Variants in FHIT observed in about 807,000 individuals in gnomAD.
FHIT encodes bis(5'-adenosyl)-triphosphatase.
In FHIT, 19 loss-of-function variants were observed where a neutral mutation model predicts 17.9. That is an observed-to-expected ratio of 1.06 (90% CI 0.74 to 1.56). FHIT has a LOEUF of 1.56. FHIT is among the 40% of genes most tolerant of loss of function. The pLI is 0.00. For synonymous variants in FHIT, 81 were observed against 69.7 expected (o/e 1.16, Z -0.81); for missense variants, 248 against 189.2 (o/e 1.31, Z -1.82).
At chr3:60,419,842 C>T (rs1702403697) in intron 5 of FHIT, among the ~76,000 whole-genome samples, 1 of 152,088 alleles carries the variant, frequency 6.6e-6, no homozygotes, top group South Asian at 2.1e-4. Flanking sequence ...GGCATAATAT[C>T]ATCTATACTT....
At chr3:59,933,826 A>G (rs377161107) in intron 7 of FHIT, among the ~76,000 whole-genome samples, 1 of 152,184 alleles carries the variant, frequency 6.6e-6, no homozygotes, top group East Asian at 1.9e-4. Flanking sequence ...CATTCTAACT[A>G]TTCTCATCTG....
intron 4 of FHIT, among the ~76,000 whole-genome samples, chr3:60,750,443 C>A (rs2042443194): frequency 6.6e-6 from 1 of 152,060 alleles, no homozygotes; most frequent in African/African-American, 2.4e-5. Flanking sequence ...GGGAGGAACC[C>A]AGCAGGAGGT....
At chr3:59,883,244 T>C (rs1461627705) in intron 8 of FHIT, among the ~76,000 whole-genome samples, 1 of 152,196 alleles carries the variant, frequency 6.6e-6, no homozygotes, top group Non-Finnish European at 1.5e-5. Flanking sequence ...TGTCACTACA[T>C]TTTACTATTG....
At chr3:60,141,768 C>T (rs1193686962) in intron 5 of FHIT, among the ~76,000 whole-genome samples, 2 of 152,140 alleles carry the variant, frequency 1.3e-5, no homozygotes, top group African/African-American at 4.8e-5. Context: ...CGTTTACCAA[C>T]AAACTTCAGC....
chr3:60,401,476 G>A (rs1403898343), intron 5 of FHIT, among the ~76,000 whole-genome samples: 1 of 152,116 alleles, frequency 6.6e-6, no homozygotes, highest in Non-Finnish European at 1.5e-5. Context: ...TTGACTCACT[G>A]TCATGGTTCT....
intron 3 of FHIT, among the ~76,000 whole-genome samples, chr3:61,016,411 G>C (rs748777290): frequency 2.6e-5 from 4 of 152,144 alleles, no homozygotes; most frequent in Non-Finnish European, 5.9e-5. Context: ...AACAGAGCAA[G>C]ACAAAGAAAT....
intron 4 of FHIT, among the ~76,000 whole-genome samples, chr3:60,785,567 T>G (rs1266457665): frequency 6.6e-6 from 1 of 152,166 alleles, no homozygotes; most frequent in African/African-American, 2.4e-5. Context: ...TGGTGTCCTC[T>G]AAGTTTTATC....
chr3:60,629,310 A>G (rs1471237954), intron 4 of FHIT, among the ~76,000 whole-genome samples: 6 of 152,184 alleles, frequency 3.9e-5, no homozygotes, highest in Non-Finnish European at 8.8e-5. Context: ...CTGACATGCT[A>G]CAGACTCTCA....
chr3:60,183,580 G>C (rs947461831), intron 5 of FHIT, among the ~76,000 whole-genome samples: 1 of 152,006 alleles, frequency 6.6e-6, no homozygotes, highest in Non-Finnish European at 1.5e-5. Context: ...CAGACATTCT[G>C]GGTACTTCAA....
At chr3:61,027,232 G>A (rs1054778009) in intron 3 of FHIT, among the ~76,000 whole-genome samples, 6 of 151,832 alleles carry the variant, frequency 4.0e-5, no homozygotes, top group East Asian at 1.9e-4. Context: ...GATTACAGGC[G>A]CCTGCCACCA....
At chr3:60,165,871 T>C (rs1308590687) in intron 5 of FHIT, among the ~76,000 whole-genome samples, 1 of 152,204 alleles carries the variant, frequency 6.6e-6, no homozygotes, top group Non-Finnish European at 1.5e-5. Flanking sequence ...TGTGTGTGTA[T>C]ATTTACGTGT....
At chr3:60,578,225 T>C (rs1653681059) in intron 4 of FHIT, among the ~76,000 whole-genome samples, 1 of 151,952 alleles carries the variant, frequency 6.6e-6, no homozygotes, top group African/African-American at 2.4e-5. Flanking sequence ...GATCACAAGG[T>C]CAAGATATTG....
chr3:60,233,634 T>C (rs1171402942), intron 5 of FHIT, among the ~76,000 whole-genome samples: 1 of 152,184 alleles, frequency 6.6e-6, no homozygotes, highest in African/African-American at 2.4e-5. Flanking sequence ...TAAGTCCTTT[T>C]GAAAAATAAG....
At chr3:60,551,237 C>T (rs2036536127) in intron 4 of FHIT, among the ~76,000 whole-genome samples, 1 of 151,428 alleles carries the variant, frequency 6.6e-6, no homozygotes, top group African/African-American at 2.4e-5. Flanking sequence ...TGTGGCGTTT[C>T]ACTTAATGAG....
chr3:60,087,688 G>A lies in FHIT; in HGVS notation c.104-73536C>T, dbSNP rs568841701. 2.6e-5 allele frequency among the ~76,000 whole-genome samples: 4 copies of A among 152,276 alleles called. No homozygotes were observed. The East Asian group carries it at 7.7e-4, about 29-fold the overall frequency. On this transcript the variant is annotated intron_variant, in intron 5 of 9. Transcript: ENST00000492590. ...ATGCAGCCAAGTTATTTGCTACTATGTAACAAGGGTGACAGTTCCCAGTAA... is the reference window on the plus strand; with the variant it reads ...ATGCAGCCAAGTTATTTGCTACTATATAACAAGGGTGACAGTTCCCAGTAA...
At position 60,430,969 on chromosome 3, in the gene FHIT, T is replaced by C. The variant is rs144587777; in HGVS notation, c.103+105891A>G. Among the ~76,000 whole-genome samples, 215 of 152,202 alleles carry C rather than the reference T, an allele frequency of 1.4e-3. 2 individuals carry two copies. Among genetic ancestry groups the C allele is most frequent in the Middle Eastern group, 0.01 (3 of 294 alleles). ...GCTCACACCTGCAACCCCAGCACTTTGGGAGGCCAAAGTGGGCAGATTACT... is the reference window on the plus strand; with the variant it reads ...GCTCACACCTGCAACCCCAGCACTTCGGGAGGCCAAAGTGGGCAGATTACT... On this transcript the variant is annotated intron_variant, in intron 5 of 9. Coordinates refer to ENST00000492590, the MANE Select transcript of FHIT (RefSeq NM_002012.4).
At chr3:60,636,426 CT>C (rs1553683883) in intron 4 of FHIT, among the ~76,000 whole-genome samples, 1 of 149,878 alleles carries the variant, frequency 6.7e-6, no homozygotes, top group Non-Finnish European at 1.5e-5. Flanking sequence ...GGTTACCAGA[CT>C]TGGGCATGTC....
At chr3:60,719,915 C>G (rs1187372542) in intron 4 of FHIT, among the ~76,000 whole-genome samples, 2 of 152,158 alleles carry the variant, frequency 1.3e-5, no homozygotes, top group East Asian at 3.9e-4. Flanking sequence ...AATGGCCACT[C>G]AACTCATTAC....
intron 5 of FHIT, among the ~76,000 whole-genome samples, chr3:60,173,915 A>ATATATATATATATATATATATTTTTT: frequency 1.2e-4 from 8 of 66,434 alleles, no homozygotes; most frequent in South Asian, 4.7e-4. Flanking sequence ...ATATATATAT[A>ATATATATATATATATATATATTTTTT]TGTTTTTTTT....
Sources: gnomAD v4.1 joint callset for allele counts (sites outside exome capture counted in the v4.1 genomes callset) on GRCh38, gnomAD v4.1.1 for gene constraint, MANE v1.5 for transcripts, NCBI Gene and HGNC (gene_info 2026-07-23, HGNC 2026-07-21) for gene names.